Variants in TYW1B observed in about 807,000 individuals in gnomAD.
TYW1B encodes S-adenosyl-L-methionine-dependent tRNA 4-demethylwyosine synthase TYW1B.
TYW1B carries 73 observed loss-of-function variants against 86.9 expected under a neutral mutation model. The ratio of observed to expected loss-of-function variants is 0.84; its 90% CI spans 0.70 to 1.02. The LOEUF is 1.02. Among genes scored for constraint, TYW1B ranks in the 50% least tolerant of loss-of-function variants. The probability of loss-of-function intolerance (pLI) is 0.00; values close to 1 mark genes in which losing one functional copy is unlikely to be tolerated. For synonymous variants in TYW1B, 248 were observed against 292.8 expected (o/e 0.85, Z 1.56); for missense variants, 637 against 827.4 (o/e 0.77, Z 2.82).
At chr7:72,823,634 TAAA>T (rs1171572819) in intron 2 of TYW1B, among the ~76,000 whole-genome samples, 2 of 150,996 alleles carry the variant, frequency 1.3e-5, no homozygotes, top group African/African-American at 4.9e-5. Flanking sequence ...AATAAATAAA[TAAA>T]AAATAAATGA....
chr7:72,585,913 A>G (rs1811263957), intron 13 of TYW1B, among the ~76,000 whole-genome samples: 2 of 152,200 alleles, frequency 1.3e-5, no homozygotes, highest in Non-Finnish European at 2.9e-5. Flanking sequence ...TCATTTAGCC[A>G]TCACAATCAC....
chr7:72,584,348 G>A (rs1811224435), intron 13 of TYW1B, among the ~76,000 whole-genome samples: 2 of 152,150 alleles, frequency 1.3e-5, no homozygotes, highest in Non-Finnish European at 2.9e-5. Flanking sequence ...CCTGGCCAGA[G>A]CATTGTTTTT....
At chr7:72,797,395 G>A (rs1409764749) in intron 6 of TYW1B, among the ~76,000 whole-genome samples, 1 of 152,168 alleles carries the variant, frequency 6.6e-6, no homozygotes, top group Non-Finnish European at 1.5e-5. Flanking sequence ...ACACTGATGT[G>A]CCTGGATTCC....
intron 12 of TYW1B, among the ~76,000 whole-genome samples, chr7:72,618,180 G>GAC (rs1182663849): frequency 2.7e-5 from 4 of 148,710 alleles, no homozygotes; most frequent in Non-Finnish European, 5.9e-5. Flanking sequence ...ATAAAGACAG[G>GAC]ACACACACAC....
At chr7:72,622,485 T>C (rs1296228180) in intron 12 of TYW1B, among the ~76,000 whole-genome samples, 13 of 152,150 alleles carry the variant, frequency 8.5e-5, no homozygotes, top group Non-Finnish European at 1.9e-4. Context: ...TCAAGGAGGA[T>C]GAATAACCTG....
intron 13 of TYW1B, among the ~76,000 whole-genome samples, chr7:72,605,354 G>GT (rs1425667696): frequency 2.7e-5 from 4 of 148,600 alleles, no homozygotes; most frequent in African/African-American, 1.0e-4. Context: ...TTTTTTGTTT[G>GT]TTTTGTTTTT....
chr7:72,673,746 A>G (rs533393893), intron 11 of TYW1B, among the ~76,000 whole-genome samples: 2 of 152,316 alleles, frequency 1.3e-5, no homozygotes, highest in East Asian at 1.9e-4. Context: ...AAGTGACTAA[A>G]GGAGTATAAT....
At chr7:72,788,827 C>T (rs1380700039) in intron 6 of TYW1B, among the ~76,000 whole-genome samples, 4 of 151,512 alleles carry the variant, frequency 2.6e-5, no homozygotes, top group African/African-American at 9.7e-5. Context: ...GCCATCATGC[C>T]CGGCCACATG....
chr7:72,781,351 G>A (rs1211492214), intron 6 of TYW1B, among the ~76,000 whole-genome samples: 6 of 152,174 alleles, frequency 3.9e-5, no homozygotes, highest in Non-Finnish European at 8.8e-5. Flanking sequence ...CCCACGGCAT[G>A]CTCCAATCAA....
chr7:72,770,532 G>C (rs1554469358), intron 7 of TYW1B, among the ~76,000 whole-genome samples: 1 of 151,962 alleles, frequency 6.6e-6, no homozygotes, highest in African/African-American at 2.4e-5. Context: ...ACATGATGGT[G>C]AGAATGTGTA....
chr7:72,574,596 T>C lies in TYW1B; in HGVS notation c.*902A>G, dbSNP rs1554428089. 2 of 985,254 alleles carry C rather than the reference T, an allele frequency of 2.0e-6. No individual in the cohort carries two copies. The highest frequency in any genetic ancestry group is 2.4e-6 in the Non-Finnish European group (2 of 829,886). The allele number at this position is 985,254 out of a possible 1,614,324, so 61.0% of individuals were successfully genotyped here. On this transcript the variant is annotated 3_prime_UTR_variant, in exon 14 of 14. Coordinates refer to ENST00000620995, the MANE Select transcript of TYW1B (RefSeq NM_001145440.3). Reference sequence around the variant, plus strand: ...TTGCTAACTTGAAAACAATTTTGAGTATTTATGATCTTTCCAACTTGAAAA... The same window carrying C: ...TTGCTAACTTGAAAACAATTTTGAGCATTTATGATCTTTCCAACTTGAAAA...
intron 9 of TYW1B, among the ~76,000 whole-genome samples, chr7:72,717,505 G>GA (rs1563070355): frequency 2.0e-5 from 3 of 151,956 alleles, no homozygotes; most frequent in Non-Finnish European, 2.9e-5. Flanking sequence ...AGCCTTCACA[G>GA]AAAAAAACAA....
chr7:72,707,832 C>T (rs782513601), intron 10 of TYW1B, among the ~76,000 whole-genome samples: 25 of 152,174 alleles, frequency 1.6e-4, no homozygotes, highest in Admixed American at 9.8e-4. Context: ...GGAGGAGGGG[C>T]CTGGTGGGAG....
intron 11 of TYW1B, among the ~76,000 whole-genome samples, chr7:72,668,054 A>C (rs113538216): frequency 6.6e-6 from 1 of 152,068 alleles, no homozygotes; most frequent in Admixed American, 6.6e-5. Context: ...CACACTACCC[A>C]TGTATTTGGT....
chr7:72,744,053 T>A (rs1169831411), intron 8 of TYW1B, among the ~76,000 whole-genome samples: 2 of 151,490 alleles, frequency 1.3e-5, no homozygotes, highest in African/African-American at 4.9e-5. Flanking sequence ...CAAGATAAAC[T>A]GAAAAGCCTC....
At chr7:72,618,448 C>T (rs1342712142) in intron 12 of TYW1B, among the ~76,000 whole-genome samples, 1 of 152,028 alleles carries the variant, frequency 6.6e-6, no homozygotes, top group Non-Finnish European at 1.5e-5. Flanking sequence ...AACTCCTGAC[C>T]TCAAATGATC....
At chr7:72,805,538 G>A (rs932608825) in intron 5 of TYW1B, among the ~76,000 whole-genome samples, 1 of 151,804 alleles carries the variant, frequency 6.6e-6, no homozygotes, top group African/African-American at 2.4e-5. Context: ...CCACTGCCTG[G>A]GGAGGTTGAG....
chr7:72,593,549 G>A (rs1329449547), intron 13 of TYW1B, among the ~76,000 whole-genome samples: 4 of 151,874 alleles, frequency 2.6e-5, no homozygotes, highest in Non-Finnish European at 1.5e-5. Context: ...GAGGCCAGGC[G>A]TGGTTGCTCA....
intron 11 of TYW1B, among the ~76,000 whole-genome samples, chr7:72,652,369 CTCTG>C (rs1813083041): frequency 2.1e-5 from 2 of 97,358 alleles, no homozygotes; most frequent in Admixed American, 3.1e-4. Flanking sequence ...CAGAGCAAGA[CTCTG>C]TCTGAAAAAA....
Sources: allele counts gnomAD v4.1 joint callset (sites outside exome capture counted in the v4.1 genomes callset), GRCh38; gene constraint gnomAD v4.1.1; transcripts MANE v1.5; gene names NCBI Gene and HGNC (gene_info 2026-07-23, HGNC 2026-07-21).